The following RAPGEF2 variants were observed in gnomAD, a reference collection of about 807,000 sequenced individuals.
The protein encoded by RAPGEF2 is Rap guanine nucleotide exchange factor 2.
In RAPGEF2, 54 loss-of-function variants were observed where a neutral mutation model predicts 186.7. The observed-to-expected ratio is 0.29, with a 90% CI of 0.23 to 0.36. The LOEUF (loss-of-function observed/expected upper bound fraction) is 0.36, where lower values mean the gene tolerates loss of function less well. Among genes scored for constraint, RAPGEF2 ranks in the 10% least tolerant of loss-of-function variants. The pLI is 1.00. For missense variants in RAPGEF2, 1,532 were observed against 2,045.0 expected, an observed-to-expected ratio of 0.75 and a Z score of 4.84; for synonymous variants, 712 against 705.9, an observed-to-expected ratio of 1.01 and a Z score of -0.14.
intron 7 of RAPGEF2, among the ~76,000 whole-genome samples, chr4:159,266,315 G>A (rs997814578): frequency 6.6e-6 from 1 of 152,106 alleles, no homozygotes; most frequent in Non-Finnish European, 1.5e-5. Context: ...AGAAACACAA[G>A]TCAGCAAGCA....
At chr4:159,108,474 A>G (rs760916682) in intron 1 of RAPGEF2, among the ~76,000 whole-genome samples, 1 of 151,472 alleles carries the variant, frequency 6.6e-6, no homozygotes, top group Non-Finnish European at 1.5e-5. Flanking sequence ...AACTAGTTAT[A>G]ACTTCTTATC....
intron 4 of RAPGEF2, among the ~76,000 whole-genome samples, chr4:159,219,709 A>G (rs1020083842): frequency 6.6e-6 from 1 of 152,228 alleles, no homozygotes; most frequent in Admixed American, 6.5e-5. Context: ...AGTTATGAGC[A>G]AAAATGACCA....
intron 17 of RAPGEF2, among the ~76,000 whole-genome samples, chr4:159,336,464 A>G (rs966901947): frequency 6.6e-6 from 1 of 152,152 alleles, no homozygotes; most frequent in African/African-American, 2.4e-5. Flanking sequence ...ATAATGACCA[A>G]CAGCTCCATC....
chr4:159,226,823 T>G (rs538094909), intron 4 of RAPGEF2, among the ~76,000 whole-genome samples: 1 of 152,276 alleles, frequency 6.6e-6, no homozygotes, highest in East Asian at 1.9e-4. Context: ...ATTGGTAGCA[T>G]TAGAAACAGT....
intron 1 of RAPGEF2, among the ~76,000 whole-genome samples, chr4:159,110,213 A>T (rs1738336082): frequency 6.6e-6 from 1 of 152,206 alleles, no homozygotes; most frequent in South Asian, 2.1e-4. Context: ...GGTTTCTCAC[A>T]CTATTTTTTT....
At chr4:159,302,898 A>C (rs1390861581) in intron 7 of RAPGEF2, among the ~76,000 whole-genome samples, 3 of 152,030 alleles carry the variant, frequency 2.0e-5, no homozygotes, top group Non-Finnish European at 2.9e-5. Flanking sequence ...CTTTAAAAAC[A>C]CTGTTGGTAA....
At position 159,198,282 on chromosome 4, in the gene RAPGEF2, CTT is replaced by C. The variant is rs1334977516; in HGVS notation, c.197+5028_197+5029del. On this transcript the variant is annotated intron_variant, in intron 3 of 29. Coordinates refer to ENST00000691494, the MANE Select transcript of RAPGEF2 (RefSeq NM_001394067.2). ...TTTCTCTTTCTTTCCTTCTTTCTTTCTTTCTTTCTTTCTTTCTTTCTTTCTTT... is the reference window on the plus strand; with the variant it reads ...TTTCTCTTTCTTTCCTTCTTTCTTTCTCTTTCTTTCTTTCTTTCTTTCTTT... Among the ~76,000 whole-genome samples, 54 of 10,828 alleles carry C rather than the reference CTT, an allele frequency of 5.0e-3. 3 individuals are homozygous for C. Among genetic ancestry groups the C allele is most frequent in the Middle Eastern group, 0.042 (1 of 24 alleles). The allele number at this position is 10,828 out of a possible 152,430, so 7.1% of individuals were successfully genotyped here.
intron 12 of RAPGEF2, 37 bp from the exon 13 acceptor site, chr4:159,330,289 GTGTGTGTA>G (rs750623676): frequency 1.2e-5 from 11 of 947,130 alleles, no homozygotes; most frequent in African/African-American, 5.0e-5. Flanking sequence ...GTGTGTGTGT[GTGTGTGTA>G]TATATATGTA....
At chr4:159,252,143 C>T (rs1185815478) in intron 7 of RAPGEF2, among the ~76,000 whole-genome samples, 2 of 152,164 alleles carry the variant, frequency 1.3e-5, no homozygotes, top group Admixed American at 6.5e-5. Flanking sequence ...GGAGACACAA[C>T]TCCACTTTTC....
At chr4:159,286,661 C>T (rs1449853265) in intron 7 of RAPGEF2, among the ~76,000 whole-genome samples, 1 of 152,126 alleles carries the variant, frequency 6.6e-6, no homozygotes, top group African/African-American at 2.4e-5. Context: ...TTTGATCCTC[C>T]CTTTGTACAT....
At chr4:159,282,461 G>A (rs1233839624) in intron 7 of RAPGEF2, 5 of 242,710 alleles carry the variant, frequency 2.1e-5, no homozygotes, top group African/African-American at 7.0e-5. Context: ...TAGTCATTTC[G>A]TGTGTGTGTG....
At chr4:159,139,501 T>G (rs1421570392) in intron 1 of RAPGEF2, among the ~76,000 whole-genome samples, 1 of 152,182 alleles carries the variant, frequency 6.6e-6, no homozygotes, top group Non-Finnish European at 1.5e-5. Flanking sequence ...CCTTAGGCAT[T>G]TTGAGCAATA....
rs552568486 is a variant in RAPGEF2, at chr4:159,160,980, T to C, written c.70-25662T>C. Among the ~76,000 whole-genome samples, 24 of 129,430 alleles carry C rather than the reference T, an allele frequency of 1.9e-4. No individual in the cohort carries two copies. In the South Asian group the frequency reaches 6.1e-3, roughly 33 times the overall value. The allele number at this position is 129,430 out of a possible 152,430, so 84.9% of individuals were successfully genotyped here. ...CAAGTATCCGAACCTAATTAGAAAT[T>C]AAAGTTTTTTTTAATCATAGGTTTT... On this transcript the variant is annotated intron_variant, in intron 1 of 29. Coordinates refer to ENST00000691494, the MANE Select transcript of RAPGEF2 (RefSeq NM_001394067.2).
At chr4:159,218,629 A>G (rs967538461) in intron 4 of RAPGEF2, among the ~76,000 whole-genome samples, 1 of 152,026 alleles carries the variant, frequency 6.6e-6, no homozygotes, top group Non-Finnish European at 1.5e-5. Context: ...TTGGTGGCAC[A>G]AGCCTGTAGT....
chr4:159,332,626 G>A lies in RAPGEF2; in HGVS notation c.2064G>A (p.Val688=). The change falls in exon 17 of 30, where the codon GTG becomes GTA. Residue 688 remains valine, a synonymous_variant. Coordinates refer to ENST00000691494, the MANE Select transcript of RAPGEF2 (RefSeq NM_001394067.2). Reference sequence around the variant, plus strand: ...ACAAAAAAAGTAAAGCCAACACTGTGGGAGGAAGGAACAAGCTGAAAAAGA... The same window carrying A: ...ACAAAAAAAGTAAAGCCAACACTGTAGGAGGAAGGAACAAGCTGAAAAAGA... The part of the protein sequence containing the change: ...KVNKKSKANT[V]GGRNKLKKIL... 2 of 1,614,098 alleles carry A rather than the reference G, an allele frequency of 1.2e-6. No individual in the cohort carries two copies. Among genetic ancestry groups the A allele is most frequent in the Non-Finnish European group, 1.7e-6 (2 of 1,180,004 alleles).
chr4:159,243,688 A>T, intron 6 of RAPGEF2, 86 bp from the exon 7 acceptor site: 1 of 870,418 alleles, frequency 1.1e-6, no homozygotes, highest in Non-Finnish European at 1.6e-6. Context: ...CATTATCTTC[A>T]TTTTGGCAGA....
chr4:159,198,789 A>G (rs1403007675), intron 3 of RAPGEF2, among the ~76,000 whole-genome samples: 1 of 151,702 alleles, frequency 6.6e-6, no homozygotes, highest in African/African-American at 2.4e-5. Flanking sequence ...GTTTTGAAGT[A>G]TTTTTCTGTC....
intron 1 of RAPGEF2, among the ~76,000 whole-genome samples, chr4:159,150,956 C>G (rs1743472032): frequency 6.6e-6 from 1 of 152,118 alleles, no homozygotes; most frequent in Non-Finnish European, 1.5e-5. Flanking sequence ...GCTGCTGATC[C>G]AGCAAGCGAG....
chr4:159,242,720 A>T (rs1455341047), intron 6 of RAPGEF2, among the ~76,000 whole-genome samples: 1 of 151,438 alleles, frequency 6.6e-6, no homozygotes, highest in Non-Finnish European at 1.5e-5. Context: ...ATTGTCCATA[A>T]AAAAGGTAAT....
Sources: allele counts gnomAD v4.1 joint callset (sites outside exome capture counted in the v4.1 genomes callset), GRCh38; gene constraint gnomAD v4.1.1; transcripts MANE v1.5; gene names NCBI Gene and HGNC (gene_info 2026-07-23, HGNC 2026-07-21).